Variants in SAXO1 observed in about 807,000 individuals in gnomAD.
SAXO1 encodes the protein 4930500O09Rik.
Under a neutral mutation model 17.5 loss-of-function variants are expected in SAXO1, and 21 were observed. The ratio of observed to expected loss-of-function variants is 1.20; its 90% confidence interval spans 0.85 to 1.72. The LOEUF is 1.72. SAXO1 is among the 40% of genes most tolerant of loss of function. The pLI is 0.00. For synonymous variants in SAXO1, 274 were observed against 216.5 expected, an observed-to-expected ratio of 1.27 and a Z score of -2.33; for missense variants, 843 against 596.0, an observed-to-expected ratio of 1.41 and a Z score of -4.32.
At chr9:18,978,035 A>G (rs1326901695) in intron 1 of SAXO1, among the ~76,000 whole-genome samples, 5 of 148,246 alleles carry the variant, frequency 3.4e-5, no homozygotes, top group African/African-American at 1.2e-4. Flanking sequence ...GTCCAAAACG[A>G]TTGTTCCAGA....
intron 2 of SAXO1, among the ~76,000 whole-genome samples, chr9:18,942,620 G>A (rs140971427): frequency 3.9e-5 from 6 of 152,218 alleles, no homozygotes; most frequent in African/African-American, 1.2e-4. Flanking sequence ...TGGTGTCTGC[G>A]CCCCCATTGT....
At chr9:19,015,783 C>A (rs1480124551) in intron 1 of SAXO1, among the ~76,000 whole-genome samples, 1 of 151,926 alleles carries the variant, frequency 6.6e-6, no homozygotes, top group African/African-American at 2.4e-5. Flanking sequence ...CCAGACATAT[C>A]TCTTCTTTTT....
chr9:18,965,731 T>G (rs1291767981), intron 1 of SAXO1, among the ~76,000 whole-genome samples: 1 of 152,218 alleles, frequency 6.6e-6, no homozygotes, highest in Non-Finnish European at 1.5e-5. Context: ...ATTGGAGCAT[T>G]TAGCCCATTT....
At chr9:19,005,814 A>C (rs2130971954) in intron 1 of SAXO1, among the ~76,000 whole-genome samples, 1 of 152,356 alleles carries the variant, frequency 6.6e-6, no homozygotes. Flanking sequence ...CAACGCTATC[A>C]AGACAGTGAA....
intron 1 of SAXO1, among the ~76,000 whole-genome samples, chr9:18,983,185 T>G (rs572261601): frequency 2.0e-4 from 31 of 152,236 alleles, no homozygotes; most frequent in Non-Finnish European, 2.5e-4. Flanking sequence ...TAGAGAGGTT[T>G]AATTGACACA....
intron 3 of SAXO1, among the ~76,000 whole-genome samples, chr9:18,931,931 T>C (rs1831069841): frequency 6.6e-6 from 1 of 152,228 alleles, no homozygotes; most frequent in South Asian, 2.1e-4. Context: ...GTATGTGATT[T>C]ACAAATTTTT....
At position 18,928,490 on chromosome 9, in the gene SAXO1, C is replaced by T. The variant is rs200041556; in HGVS notation, c.987G>A (p.Lys329=). ...AQSCRPALQI[K]KCGRFEGSST... Reference sequence around the variant, plus strand: ...AAGAGCCTTCAAAGCGACCGCACTTCTTAATCTGAAGTGCAGGTCGGCAGG... The same window carrying T: ...AAGAGCCTTCAAAGCGACCGCACTTTTTAATCTGAAGTGCAGGTCGGCAGG... Residue 329 remains lysine, a synonymous_variant, in exon 4 of 4, where the codon AAG becomes AAA. Coordinates refer to ENST00000380534, the MANE Select transcript of SAXO1 (RefSeq NM_153707.4). The T allele has an allele frequency of 1.6e-5, 26 of 1,613,676 alleles. No homozygotes were observed. Among genetic ancestry groups the T allele is most frequent in the Non-Finnish European group, 2.2e-5 (26 of 1,179,894 alleles).
At chr9:18,939,132 A>G (rs1348316720) in intron 3 of SAXO1, among the ~76,000 whole-genome samples, 1 of 152,168 alleles carries the variant, frequency 6.6e-6, no homozygotes, top group Non-Finnish European at 1.5e-5. Flanking sequence ...GCCATCGGAT[A>G]TGCCATATCA....
intron 1 of SAXO1, among the ~76,000 whole-genome samples, chr9:19,004,785 G>A (rs1180700190): frequency 6.6e-6 from 1 of 152,162 alleles, no homozygotes; most frequent in Non-Finnish European, 1.5e-5. Flanking sequence ...GTTGATGGGT[G>A]CAGCAGACCA....
chr9:18,946,422 C>T (rs780222675), intron 2 of SAXO1, among the ~76,000 whole-genome samples: 11 of 151,766 alleles, frequency 7.2e-5, no homozygotes, highest in Non-Finnish European at 1.3e-4. Flanking sequence ...CAAATCTCTG[C>T]ATAACCTCAC....
At chr9:18,957,010 G>A (rs10963869) in intron 1 of SAXO1, among the ~76,000 whole-genome samples, 82,061 of 152,022 alleles carry the variant, frequency 0.54, 25,695 homozygotes, top group Non-Finnish European at 0.7. Flanking sequence ...AATCACAGCC[G>A]TACACAACAT....
At chr9:18,998,193 T>A (rs1834092409) in intron 1 of SAXO1, among the ~76,000 whole-genome samples, 1 of 151,848 alleles carries the variant, frequency 6.6e-6, no homozygotes, top group Non-Finnish European at 1.5e-5. Context: ...TTCTAAACCA[T>A]CACAAGGAAG....
intron 1 of SAXO1, among the ~76,000 whole-genome samples, chr9:18,992,217 G>A (rs1426428989): frequency 1.4e-4 from 21 of 152,158 alleles, no homozygotes; most frequent in Admixed American, 1.4e-3. Flanking sequence ...GAAGTTTATT[G>A]GCTTACAGTT....
intron 1 of SAXO1, among the ~76,000 whole-genome samples, chr9:18,970,672 G>A (rs1832913008): frequency 6.6e-6 from 1 of 152,162 alleles, no homozygotes; most frequent in South Asian, 2.1e-4. Context: ...GGGCCAAAAG[G>A]CCCAAAGGAC....
At chr9:19,012,555 C>T (rs1334980533) in intron 1 of SAXO1, among the ~76,000 whole-genome samples, 1 of 152,206 alleles carries the variant, frequency 6.6e-6, no homozygotes, top group Non-Finnish European at 1.5e-5. Context: ...AGATGGGCAA[C>T]TCTAGCAAGG....
intron 1 of SAXO1, among the ~76,000 whole-genome samples, chr9:18,961,554 T>C (rs780244557): frequency 5.3e-5 from 8 of 152,178 alleles, no homozygotes; most frequent in South Asian, 2.1e-4. Flanking sequence ...GTTCTCATTG[T>C]TCAACTCCCA....
intron 1 of SAXO1, among the ~76,000 whole-genome samples, chr9:18,977,783 TG>T (rs1833208582): frequency 6.6e-6 from 1 of 151,880 alleles, no homozygotes; most frequent in Admixed American, 6.6e-5. Context: ...CACTTGAAGT[TG>T]GGAGCTCCAC....
chr9:19,026,919 C>T, intron 1 of SAXO1: 2 of 785,782 alleles, frequency 2.5e-6, no homozygotes, highest in Non-Finnish European at 4.6e-6. Flanking sequence ...TGAGGCCAAG[C>T]AAGATGGAAC....
chr9:19,040,014 C>CCACT (rs1238187328), intron 1 of SAXO1, among the ~76,000 whole-genome samples: 2 of 152,174 alleles, frequency 1.3e-5, no homozygotes, highest in East Asian at 3.8e-4. Context: ...CAGGTGTGAG[C>CCACT]CACTGTACAT....
Sources: allele counts gnomAD v4.1 joint callset (sites outside exome capture counted in the v4.1 genomes callset), GRCh38; gene constraint gnomAD v4.1.1; transcripts MANE v1.5; gene names NCBI Gene and HGNC (gene_info 2026-07-23, HGNC 2026-07-21).